LRP1B: variants seen among roughly 807,000 people sequenced by gnomAD.
LRP1B encodes the protein low-density lipoprotein receptor-related protein 1B.
LRP1B carries 217 observed loss-of-function variants against 556.6 expected under a neutral mutation model. The observed-to-expected ratio is 0.39, with a 90% confidence interval of 0.35 to 0.44. LRP1B has a LOEUF of 0.44. LRP1B is among the 20% of genes least tolerant of loss of function. The pLI is 1.00. For missense variants in LRP1B, 5,053 were observed against 5,620.8 expected (o/e 0.90, Z 3.23); for synonymous variants, 2,047 against 1,865.8 (o/e 1.10, Z -2.50).
chr2:141,640,131 C>A (rs1439840147), intron 2 of LRP1B, among the ~76,000 whole-genome samples: 1 of 152,120 alleles, frequency 6.6e-6, no homozygotes, highest in South Asian at 2.1e-4. Flanking sequence ...AAAATTAATG[C>A]CTCAGTACAC....
At chr2:140,863,160 A>G (rs565410418) in intron 27 of LRP1B, among the ~76,000 whole-genome samples, 111 of 151,318 alleles carry the variant, frequency 7.3e-4, no homozygotes, top group African/African-American at 2.3e-3. Flanking sequence ...GTGTGTGTGT[A>G]TATATATATA....
intron 66 of LRP1B, among the ~76,000 whole-genome samples, chr2:140,389,377 G>A (rs1683909811): frequency 6.6e-6 from 1 of 151,672 alleles, no homozygotes; most frequent in Non-Finnish European, 1.5e-5. Context: ...CAGTGGGAAT[G>A]GAATTTAAGT....
chr2:141,868,064 C>G (rs560198806), intron 1 of LRP1B, among the ~76,000 whole-genome samples: 2 of 152,158 alleles, frequency 1.3e-5, no homozygotes, highest in African/African-American at 4.8e-5. Context: ...TCACCTGCTT[C>G]TAACATCTAT....
intron 3 of LRP1B, among the ~76,000 whole-genome samples, chr2:141,298,636 T>G (rs1686276149): frequency 6.6e-6 from 1 of 152,106 alleles, no homozygotes; most frequent in Non-Finnish European, 1.5e-5. Flanking sequence ...TGCTGGATTT[T>G]AATCTGTAGC....
chr2:140,950,205 G>T lies in LRP1B; in HGVS notation c.3136+30C>A, dbSNP rs753212663. On this transcript the variant is annotated intron_variant, in intron 20 of 90. Coordinates refer to ENST00000389484, the MANE Select transcript of LRP1B (RefSeq NM_018557.3). ...ATTATTATGCATCAACTTTTAAAATGAGATTTCATTAATTTATAAAATTAC... is the reference window on the plus strand; with the variant it reads ...ATTATTATGCATCAACTTTTAAAATTAGATTTCATTAATTTATAAAATTAC... 37 of 1,464,284 alleles carry T rather than the reference G, an allele frequency of 2.5e-5. No individual in the cohort carries two copies. In the African/African-American group the frequency reaches 5.2e-4, roughly 21 times the overall value. 90.7% of individuals were successfully genotyped at this position (1,464,284 alleles called of 1,614,324 possible).
chr2:141,023,273 T>A (rs1203046097), intron 11 of LRP1B, among the ~76,000 whole-genome samples: 1 of 151,908 alleles, frequency 6.6e-6, no homozygotes, highest in Non-Finnish European at 1.5e-5. Flanking sequence ...ACCCACACAC[T>A]CACATATCTC....
chr2:140,947,709 C>T (rs1242043186), intron 20 of LRP1B, among the ~76,000 whole-genome samples: 1 of 152,146 alleles, frequency 6.6e-6, no homozygotes, highest in African/African-American at 2.4e-5. Context: ...TTACCAAAGT[C>T]ATCCTGGAAT....
At chr2:141,592,591 T>C (rs1687379152) in intron 2 of LRP1B, among the ~76,000 whole-genome samples, 1 of 152,204 alleles carries the variant, frequency 6.6e-6, no homozygotes, top group Non-Finnish European at 1.5e-5. Flanking sequence ...TTATCTAAAA[T>C]GATCACCGGA....
intron 3 of LRP1B, among the ~76,000 whole-genome samples, chr2:141,400,842 C>T (rs1690425579): frequency 6.6e-6 from 1 of 152,156 alleles, no homozygotes; most frequent in South Asian, 2.1e-4. Flanking sequence ...TGGTATCAAA[C>T]CAAATTCTAT....
intron 2 of LRP1B, among the ~76,000 whole-genome samples, chr2:141,679,395 A>C (rs1198550493): frequency 6.6e-6 from 1 of 152,214 alleles, no homozygotes; most frequent in African/African-American, 2.4e-5. Context: ...ATAAATAACA[A>C]ATCTAGGAAC....
At chr2:141,721,395 C>T (rs988673465) in intron 2 of LRP1B, among the ~76,000 whole-genome samples, 5 of 152,058 alleles carry the variant, frequency 3.3e-5, no homozygotes, top group African/African-American at 1.2e-4. Flanking sequence ...TGGTTGAATT[C>T]GTACTATCGA....
At chr2:141,792,157 T>C (rs1251371923) in intron 2 of LRP1B, among the ~76,000 whole-genome samples, 1 of 151,908 alleles carries the variant, frequency 6.6e-6, no homozygotes, top group Non-Finnish European at 1.5e-5. Context: ...ACAAATTTAA[T>C]ACAACATAAA....
chr2:140,577,675 C>T (rs560498445), intron 43 of LRP1B, among the ~76,000 whole-genome samples: 1 of 152,060 alleles, frequency 6.6e-6, no homozygotes, highest in Admixed American at 6.6e-5. Context: ...CCCCACCCCC[C>T]AGCCTCCCAA....
At chr2:140,907,792 T>C in intron 22 of LRP1B, 85 bp downstream of exon 22, 2 of 1,144,550 alleles carry the variant, frequency 1.7e-6, no homozygotes, top group Non-Finnish European at 2.6e-6. Context: ...ATGAAAGGAA[T>C]GAATGCTACT....
intron 18 of LRP1B, among the ~76,000 whole-genome samples, chr2:140,956,323 T>C (rs1020291813): frequency 6.6e-6 from 1 of 151,750 alleles, no homozygotes; most frequent in African/African-American, 2.4e-5. Flanking sequence ...AAATACATTA[T>C]TTTTTTCACT....
In LRP1B at chr2:141,028,492, C is replaced by T. The variant is rs185137734; in HGVS notation, c.1790-8390G>A. On this transcript the variant is annotated intron_variant, in intron 11 of 90. Coordinates refer to ENST00000389484, the MANE Select transcript of LRP1B (RefSeq NM_018557.3). The stretch of plus-strand genomic sequence containing the variant: ...TCTAAAATTTTTTATTAAAACGTTA[C>T]AGAAGTTTAAATAAATCAATAAAAA... 3.8e-4 allele frequency among the ~76,000 whole-genome samples: 58 copies of T among 151,702 alleles called. 2 individuals are homozygous for T. Among genetic ancestry groups the T allele is most frequent in the South Asian group, 2.5e-3 (12 of 4,804 alleles).
rs1005680537 is a variant in LRP1B at position 141,323,843 on chromosome 2, G to T, written c.344-69202C>A. On this transcript the variant is annotated intron_variant, in intron 3 of 90. Coordinates refer to ENST00000389484, the MANE Select transcript of LRP1B (RefSeq NM_018557.3). ...AGTGAAAAATAGATGCCATGGTAGT[G>T]CAAAGGAAAACACACACACACATAC... Among the ~76,000 whole-genome samples the T allele has an allele frequency of 2.0e-5, 3 of 151,414 alleles. No individual in the cohort carries two copies. In the South Asian group the frequency reaches 6.2e-4, roughly 31 times the overall value.
In LRP1B at chr2:141,826,354, G is replaced by GTTT. The variant is rs70994454; in HGVS notation, c.83-15956_83-15954dup. On this transcript the variant is annotated intron_variant, in intron 1 of 90. Coordinates refer to ENST00000389484, the MANE Select transcript of LRP1B (RefSeq NM_018557.3). ...TATGACTTTTCCATACTTTTCAGAA[G>GTTT]TTTTTTTTTTTTTTTTTTTTTTTGA... 9.4e-3 allele frequency among the ~76,000 whole-genome samples: 916 copies of GTTT among 97,074 alleles called. 15 individuals carry two copies. The highest frequency in any genetic ancestry group is 0.015 in the African/African-American group (388 of 26,016). The allele number at this position is 97,074 out of a possible 152,430, so 63.7% of individuals were successfully genotyped here.
Position 140,356,452 on chromosome 2 carries a change from T to C in LRP1B, c.11420A>G (p.Asp3807Gly), listed in dbSNP as rs767704010. The change falls in exon 75 of 91, where the codon GAT becomes GGT. Residue 3807 changes from aspartate (D) to glycine (G), a missense_variant. Transcript: ENST00000389484. The stretch of plus-strand genomic sequence containing the variant: ...ATCATCTCCACATGGATTCACATTA[T>C]CTTCACAGGTATATTCAGTAGGAGC... The part of the protein sequence containing the change: ...RIAPTEYTCE[D>G]NVNPCGDDAY... The C allele has an allele frequency of 6.2e-7, 1 of 1,606,584 alleles. No individual in the cohort carries two copies. The highest frequency in any genetic ancestry group is 1.1e-5 in the South Asian group (1 of 90,802).
Sources: allele counts gnomAD v4.1 joint callset (sites outside exome capture counted in the v4.1 genomes callset), GRCh38; gene constraint gnomAD v4.1.1; transcripts MANE v1.5; gene names NCBI Gene and HGNC (gene_info 2026-07-23, HGNC 2026-07-21).